ANKRD2: variants seen among roughly 807,000 people sequenced by gnomAD.
ANKRD2 encodes the protein ankyrin repeat domain 2.
In ANKRD2, 35 loss-of-function variants were observed where a neutral mutation model predicts 37.3. The observed-to-expected ratio is 0.94, with a 90% CI of 0.72 to 1.24. ANKRD2 has a LOEUF of 1.24. Among genes scored for constraint, ANKRD2 ranks in the 50% most tolerant of loss-of-function variants. The probability of loss-of-function intolerance (pLI) is 0.00; values close to 1 mark genes in which losing one functional copy is unlikely to be tolerated. For synonymous variants in ANKRD2, 159 were observed against 186.5 expected (o/e 0.85, Z 1.20); for missense variants, 410 against 445.6 (o/e 0.92, Z 0.72).
At chr10:97,583,075 C>T (rs1026872185) in intron 8 of ANKRD2, among the ~76,000 whole-genome samples, 3 of 152,080 alleles carry the variant, frequency 2.0e-5, no homozygotes, top group African/African-American at 7.2e-5. Context: ...CATGTCAGCT[C>T]CTGTGGTCTT....
At chr10:97,581,100 T>A in intron 5 of ANKRD2, 147 bp downstream of exon 5, 1 of 839,818 alleles carries the variant, frequency 1.2e-6, no homozygotes, top group Non-Finnish European at 1.9e-6. Context: ...TGACCTTGAG[T>A]AAGCCCCTTC....
In ANKRD2 at chr10:97,581,459, G is replaced by T. The variant is rs113798764; in HGVS notation, c.654+45G>T. ...AAGCAACAGATATTGGGGTGGCTGT[G>T]GGGAGAAAGGCAGGGGTCCAAGGGC... On this transcript the variant is annotated intron_variant, in intron 6 of 8. Transcript: ENST00000370655. The T allele has an allele frequency of 2.5e-6, 4 of 1,595,380 alleles. No individual in the cohort carries two copies. In the African/African-American group the frequency reaches 4.0e-5, roughly 16 times the overall value.
chr10:97,578,374 G>C lies in ANKRD2; in HGVS notation c.324G>C (p.Glu108Asp), dbSNP rs144862089. Residue 108 changes from glutamate (E) to aspartate (D), a missense_variant, in exon 3 of 9, where the codon GAG becomes GAC. Glu to Asp is a conservative substitution (Grantham distance 45, BLOSUM62 2). Transcript: ENST00000370655. Reference protein sequence around the residue: ...KKRDALAASHEPPPEPEEITG... With the variant: ...KKRDALAASHDPPPEPEEITG... ...GGGACGCTCTGGCCGCCTCGCATGA[G>C]CCGCCCCCAGAGCCCGAGGAGATCG... is the stretch of plus-strand genomic sequence containing the variant. The C allele has an allele frequency of 1.8e-4, 295 of 1,613,806 alleles. No individual in the cohort carries two copies. Among genetic ancestry groups the C allele is most frequent in the Admixed American group, 5.5e-4 (33 of 60,008 alleles).
At position 97,577,830 on chromosome 10, in the gene ANKRD2, C is replaced by A. The variant is rs190354938; in HGVS notation, c.118C>A (p.Pro40Thr). The A allele has an allele frequency of 1.1e-5, 17 of 1,572,196 alleles. No individual in the cohort carries two copies. The East Asian group carries it at 3.7e-4, about 34-fold the overall frequency. Residue 40 changes from proline to threonine, a missense_variant, in exon 2 of 9, where the codon CCC (proline) becomes ACC (threonine). Coordinates refer to ENST00000370655, the MANE Select transcript of ANKRD2 (RefSeq NM_001346793.2). ...KLRGDARQKL[P>T]MDLLVLEDEK... ...CCGAGGAGACGCACGCCAGAAGCTG[C>A]CCATGGACTTGCTGGTGCTGGAGGA... is the stretch of plus-strand genomic sequence containing the variant.
At chr10:97,577,469 A>G (rs1220158879) in intron 1 of ANKRD2, among the ~76,000 whole-genome samples, 1 of 152,260 alleles carries the variant, frequency 6.6e-6, no homozygotes, top group Non-Finnish European at 1.5e-5. Context: ...AAAGAAAAAA[A>G]TAATCTTGGT....
At chr10:97,574,084 G>A (rs1443335397) in intron 1 of ANKRD2, among the ~76,000 whole-genome samples, 1 of 152,000 alleles carries the variant, frequency 6.6e-6, no homozygotes, top group Non-Finnish European at 1.5e-5. Context: ...TCAAGAGTTC[G>A]AGACTCACCT....
intron 6 of ANKRD2, among the ~76,000 whole-genome samples, chr10:97,582,061 G>T (rs1225619233): frequency 6.6e-6 from 1 of 152,218 alleles, no homozygotes; most frequent in Admixed American, 6.5e-5. Context: ...ATTAAAAGAA[G>T]GGTAGAAGAG....
chr10:97,582,644 G>T lies in ANKRD2; in HGVS notation c.794G>T (p.Arg265Leu), dbSNP rs189137268. 1.2e-6 allele frequency: 2 copies of T among 1,614,150 alleles called. No homozygotes were observed. The highest frequency in any genetic ancestry group is 3.3e-5 in the Admixed American group (2 of 60,030). The change falls in exon 8 of 9, where the codon CGC becomes CTC. Residue 265 changes from arginine (R) to leucine (L), a missense_variant. Transcript: ENST00000370655. ...TALHDAVRLN[R>L]YKIIKLLLLH... is the part of the protein sequence containing the mutation. ...CTGCATGACGCTGTGAGGCTCAACC[G>T]CTACAAAATCATCAAACTGCTGCTC...
chr10:97,580,771 G>T (rs1464739327), intron 4 of ANKRD2, 84 bp from the exon 5 acceptor site: 4 of 987,742 alleles, frequency 4.0e-6, no homozygotes, highest in Non-Finnish European at 4.6e-6. Context: ...CAAGCTGGGG[G>T]GAAGGCCTGG....
At chr10:97,579,116 C>CCAG (rs1383882670) in intron 4 of ANKRD2, among the ~76,000 whole-genome samples, 1 of 151,602 alleles carries the variant, frequency 6.6e-6, no homozygotes, top group African/African-American at 2.4e-5. Context: ...GAGTTCAAGA[C>CCAG]CAGCCTAAGC....
At chr10:97,582,553 G>A in intron 7 of ANKRD2, 51 bp from the exon 8 acceptor site, 1 of 1,592,598 alleles carries the variant, frequency 6.3e-7, no homozygotes, top group Non-Finnish European at 8.6e-7. Flanking sequence ...CATCACCCTT[G>A]CCTCCTCCCA....
chr10:97,572,731 A>T (rs12221474), upstream of ANKRD2: 10 of 1,603,312 alleles, frequency 6.2e-6, no homozygotes, highest in East Asian at 4.5e-5. Context: ...CCAGCTGGGC[A>T]GGGGTGGGTG....
At chr10:97,582,550 C>A in intron 7 of ANKRD2, 54 bp from the exon 8 acceptor site, 1 of 1,590,864 alleles carries the variant, frequency 6.3e-7, no homozygotes, top group Non-Finnish European at 8.6e-7. Context: ...TCCCATCACC[C>A]TTGCCTCCTC....
chr10:97,581,469 G>T (rs2040898204), intron 6 of ANKRD2, 55 bp downstream of exon 6: 1 of 1,575,144 alleles, frequency 6.3e-7, no homozygotes, highest in Non-Finnish European at 8.7e-7. Flanking sequence ...GGGGAGAAAG[G>T]CAGGGGTCCA....
chr10:97,577,638 C>G (rs758361154), intron 1 of ANKRD2, among the ~76,000 whole-genome samples, 162 bp from the exon 2 acceptor site: 18 of 152,124 alleles, frequency 1.2e-4, no homozygotes, highest in African/African-American at 4.1e-4. Context: ...CTTTTGGGGG[C>G]CCCTCCAGGG....
At chr10:97,573,204 GCCCTGTGATGC>G (rs2040782723) in intron 1 of ANKRD2, among the ~76,000 whole-genome samples, 1 of 152,170 alleles carries the variant, frequency 6.6e-6, no homozygotes, top group Non-Finnish European at 1.5e-5. Flanking sequence ...GGAATGTGTG[GCCCTGTGATGC>G]CCCAGTGACT....
upstream of ANKRD2, chr10:97,572,596 T>TG (rs1430725951): frequency 2.4e-5 from 32 of 1,329,762 alleles, no homozygotes; most frequent in African/African-American, 7.4e-5. Context: ...GGCCAGGAGT[T>TG]GGGGGGGCAA....
rs2135707441 is a variant in ANKRD2, at chr10:97,582,326, C to G, written c.666C>G (p.Thr222=). The G allele has an allele frequency of 6.4e-7, 1 of 1,555,898 alleles. No homozygotes were observed. Among genetic ancestry groups the G allele is most frequent in the African/African-American group, 1.4e-5 (1 of 73,440 alleles). The change falls in exon 7 of 9, where the codon ACC becomes ACG. Residue 222 remains threonine, a synonymous_variant. Transcript: ENST00000370655. ...TTCCTCCCACCCAGCTGCTGAGCAC[C>G]CCGCTGCACGTGGCAGTCCGGACAG... ...DTNVRDKLLS[T]PLHVAVRTGQ...
chr10:97,576,668 TTTTATTTA>T (rs59288893), intron 1 of ANKRD2, among the ~76,000 whole-genome samples: 2,189 of 140,490 alleles, frequency 0.016, 21 homozygotes, highest in African/African-American at 0.036. Flanking sequence ...TTAAAACTTA[TTTTATTTA>T]TTTATTTATT....
Sources: allele counts gnomAD v4.1 joint callset (sites outside exome capture counted in the v4.1 genomes callset), GRCh38; gene constraint gnomAD v4.1.1; transcripts MANE v1.5; gene names NCBI Gene and HGNC (gene_info 2026-07-23, HGNC 2026-07-21).